Variants in GAS2 observed in about 807,000 individuals in gnomAD.
GAS2 encodes the protein growth arrest-specific protein 2.
GAS2 carries 20 observed loss-of-function variants against 37.5 expected under a neutral mutation model. The observed-to-expected ratio is 0.53, with a 90% CI of 0.37 to 0.77. The LOEUF is 0.77. GAS2 is among the 30% of genes least tolerant of loss of function. GAS2 has a pLI of 0.00. For missense variants in GAS2, 336 were observed against 373.4 expected (o/e 0.90, Z 0.82); for synonymous variants, 144 against 132.2 (o/e 1.09, Z -0.61).
At chr11:22,685,252 T>G (rs1441477092) in intron 2 of GAS2, among the ~76,000 whole-genome samples, 1 of 152,202 alleles carries the variant, frequency 6.6e-6, no homozygotes, top group Non-Finnish European at 1.5e-5. Flanking sequence ...ATGTCCTGCC[T>G]TGTGGGTCAA....
intron 1 of GAS2, among the ~76,000 whole-genome samples, chr11:22,629,245 T>C (rs559142234): frequency 6.6e-6 from 1 of 152,304 alleles, no homozygotes; most frequent in East Asian, 1.9e-4. Context: ...GACGTCTCCA[T>C]ACTGTTTTCC....
At chr11:22,747,223 G>C (rs751681877) in intron 5 of GAS2, among the ~76,000 whole-genome samples, 2 of 151,992 alleles carry the variant, frequency 1.3e-5, no homozygotes, top group Non-Finnish European at 2.9e-5. Context: ...CATTCAAATG[G>C]TAGCTGTTAG....
intron 7 of GAS2, among the ~76,000 whole-genome samples, chr11:22,810,441 A>G (rs1371861121): frequency 6.6e-6 from 1 of 152,162 alleles, no homozygotes; most frequent in Non-Finnish European, 1.5e-5. Flanking sequence ...GGGAGGGTCA[A>G]TTTCTATATT....
chr11:22,732,402 G>A (rs1852521087), intron 4 of GAS2, among the ~76,000 whole-genome samples: 1 of 151,640 alleles, frequency 6.6e-6, no homozygotes, highest in African/African-American at 2.4e-5. Flanking sequence ...TTGTTCAAAT[G>A]ATTTATATGG....
chr11:22,650,699 T>A (rs918445622), intron 1 of GAS2, among the ~76,000 whole-genome samples: 1 of 152,162 alleles, frequency 6.6e-6, no homozygotes, highest in Admixed American at 6.5e-5. Context: ...TTTTGATCTT[T>A]GTTGGTTTAA....
Position 22,789,669 on chromosome 11 carries a change from G to A in GAS2, c.724-22129G>A, listed in dbSNP as rs1459844279. 3.3e-5 allele frequency among the ~76,000 whole-genome samples: 5 copies of A among 150,634 alleles called. No individual in the cohort carries two copies. In the South Asian group the frequency reaches 6.3e-4, roughly 19 times the overall value. ...TTTAGTAGAGACGGGGTTTCACCGCGTTAACCAGAATGGTCGCGATCTCCT... is the reference window on the plus strand; with the variant it reads ...TTTAGTAGAGACGGGGTTTCACCGCATTAACCAGAATGGTCGCGATCTCCT... On this transcript the variant is annotated intron_variant, in intron 7 of 7. Transcript: ENST00000454584.
chr11:22,797,482 T>C (rs999672545), intron 7 of GAS2, among the ~76,000 whole-genome samples: 2 of 152,070 alleles, frequency 1.3e-5, no homozygotes, highest in Non-Finnish European at 2.9e-5. Flanking sequence ...TCTAGGGCAC[T>C]ATAGTAGTTC....
intron 7 of GAS2, among the ~76,000 whole-genome samples, chr11:22,794,332 C>T (rs1856326032): frequency 6.6e-6 from 1 of 151,984 alleles, no homozygotes; most frequent in Non-Finnish European, 1.5e-5. Context: ...TCTTATTTTC[C>T]CTCCCTAGTT....
At chr11:22,771,511 T>G (rs1854980516) in intron 7 of GAS2, among the ~76,000 whole-genome samples, 1 of 152,196 alleles carries the variant, frequency 6.6e-6, no homozygotes, top group African/African-American at 2.4e-5. Context: ...TTTTAACACT[T>G]CAGTATGATG....
intron 3 of GAS2, among the ~76,000 whole-genome samples, chr11:22,690,896 GT>G (rs1379940393): frequency 6.6e-6 from 1 of 151,962 alleles, no homozygotes; most frequent in African/African-American, 2.4e-5. Context: ...CCAATCACAA[GT>G]TTGCTGATTT....
intron 5 of GAS2, among the ~76,000 whole-genome samples, chr11:22,742,026 C>G (rs1178810796): frequency 6.6e-6 from 1 of 151,906 alleles, no homozygotes; most frequent in Non-Finnish European, 1.5e-5. Context: ...ACCTAGAGCT[C>G]AAAAACTGTG....
At chr11:22,779,662 C>T (rs561793273) in intron 7 of GAS2, among the ~76,000 whole-genome samples, 50 of 151,970 alleles carry the variant, frequency 3.3e-4, no homozygotes, top group South Asian at 1.9e-3. Context: ...CGTGCCACTG[C>T]AGTCCAGCCT....
intron 3 of GAS2, among the ~76,000 whole-genome samples, chr11:22,721,335 C>T (rs574644176): frequency 1.3e-5 from 2 of 151,992 alleles, no homozygotes; most frequent in Non-Finnish European, 2.9e-5. Flanking sequence ...TATTACAACA[C>T]TATAAATAGA....
At position 22,726,273 on chromosome 11, in the gene GAS2, G is replaced by C. The variant is rs760527477; in HGVS notation, c.268-19G>C. ...AACTTTGACAGATTTCTCCTAGAAC[G>C]AATTTCTTTATTTTTCAGAATCTAC... is the stretch of plus-strand genomic sequence containing the variant. On this transcript the variant is annotated intron_variant, in intron 3 of 7. Transcript: ENST00000454584. 2 of 1,582,978 alleles carry C rather than the reference G, an allele frequency of 1.3e-6. No individual in the cohort carries two copies. Among genetic ancestry groups the C allele is most frequent in the South Asian group, 2.3e-5 (2 of 85,314 alleles).
chr11:22,683,237 T>C (rs1454887816), intron 2 of GAS2, among the ~76,000 whole-genome samples: 2 of 152,170 alleles, frequency 1.3e-5, no homozygotes, highest in Non-Finnish European at 2.9e-5. Flanking sequence ...TTAACTTAAA[T>C]GGTTCATCTG....
At chr11:22,709,603 C>G (rs1057327490) in intron 3 of GAS2, among the ~76,000 whole-genome samples, 7 of 152,090 alleles carry the variant, frequency 4.6e-5, no homozygotes, top group African/African-American at 1.7e-4. Flanking sequence ...GTCAGTGTGG[C>G]GATTCCTCAG....
chr11:22,656,599 A>T (rs144242387), intron 1 of GAS2, among the ~76,000 whole-genome samples: 1 of 152,352 alleles, frequency 6.6e-6, no homozygotes, highest in African/African-American at 2.4e-5. Flanking sequence ...TGCTTTCACG[A>T]GTCCACAATC....
At chr11:22,667,410 A>C (rs1849027500) in intron 1 of GAS2, among the ~76,000 whole-genome samples, 1 of 152,166 alleles carries the variant, frequency 6.6e-6, no homozygotes, top group African/African-American at 2.4e-5. Context: ...GATGGGAGGA[A>C]AGAGCGCCAC....
chr11:22,780,109 G>A (rs1246142318), intron 7 of GAS2, among the ~76,000 whole-genome samples: 1 of 152,194 alleles, frequency 6.6e-6, no homozygotes, highest in Non-Finnish European at 1.5e-5. Flanking sequence ...AATGAATTGA[G>A]CTAAAACAAA....
Sources: allele counts gnomAD v4.1 joint callset (sites outside exome capture counted in the v4.1 genomes callset), GRCh38; gene constraint gnomAD v4.1.1; transcripts MANE v1.5; gene names NCBI Gene and HGNC (gene_info 2026-07-23, HGNC 2026-07-21).